The following ZFAND6 variants were observed in gnomAD, a reference collection of about 807,000 sequenced individuals.
The protein encoded by ZFAND6 is AN1-type zinc finger protein 6.
In ZFAND6, 12 loss-of-function variants were observed where a neutral mutation model predicts 24.5. The observed-to-expected ratio is 0.49, with a 90% confidence interval of 0.31 to 0.79. The LOEUF (loss-of-function observed/expected upper bound fraction) is 0.79. Among genes scored for constraint, ZFAND6 ranks in the 30% least tolerant of loss-of-function variants. ZFAND6 has a pLI of 0.04. For missense variants in ZFAND6, 207 were observed against 245.9 expected (o/e 0.84, Z 1.06); for synonymous variants, 92 against 81.5 (o/e 1.13, Z -0.69).
chr15:80,085,182 C>T (rs1285950919), intron 1 of ZFAND6, among the ~76,000 whole-genome samples: 2 of 152,158 alleles, frequency 1.3e-5, no homozygotes, highest in African/African-American at 4.8e-5. Flanking sequence ...AGTATCAAGG[C>T]TACTCCTGTT....
At chr15:80,130,576 C>G (rs1327442768) in intron 5 of ZFAND6, 1 of 152,134 alleles carries the variant, frequency 6.6e-6, no homozygotes, top group Non-Finnish European at 1.5e-5. Flanking sequence ...GTAATTTAAC[C>G]CGAATCTTGG....
chr15:80,074,189 A>G (rs1344382060), intron 1 of ZFAND6, among the ~76,000 whole-genome samples: 1 of 151,926 alleles, frequency 6.6e-6, no homozygotes, highest in East Asian at 1.9e-4. Flanking sequence ...ACTTTCCAAG[A>G]TGTAGATGGA....
chr15:80,093,594 G>C (rs1411434893), intron 1 of ZFAND6, among the ~76,000 whole-genome samples: 1 of 152,072 alleles, frequency 6.6e-6, no homozygotes, highest in Non-Finnish European at 1.5e-5. Context: ...GCATGGTGGC[G>C]CATGCCTGTA....
intron 2 of ZFAND6, among the ~76,000 whole-genome samples, chr15:80,102,502 A>T (rs1403857310): frequency 6.6e-6 from 1 of 152,230 alleles, no homozygotes; most frequent in African/African-American, 2.4e-5. Flanking sequence ...TTCTCAGATT[A>T]AAGTGAGCCA....
At chr15:80,097,732 T>C (rs1311128833) in intron 1 of ZFAND6, among the ~76,000 whole-genome samples, 1 of 152,206 alleles carries the variant, frequency 6.6e-6, no homozygotes, top group Non-Finnish European at 1.5e-5. Flanking sequence ...GTAATACATA[T>C]TTGCTAATGG....
intron 6 of ZFAND6, 171 bp downstream of exon 6, chr15:80,131,464 T>A: frequency 3.9e-6 from 2 of 506,772 alleles, no homozygotes; most frequent in Non-Finnish European, 3.4e-6. Flanking sequence ...ATTATACACC[T>A]AAAAGTGAAA....
Position 80,137,575 on chromosome 15 carries a change from A to G in ZFAND6, c.574A>G (p.Lys192Glu). The change falls in exon 7 of 7, where the codon AAA (lysine) becomes GAA (glutamate). Residue 192 changes from lysine (K) to glutamate (E), a missense_variant. By Grantham distance (56) the Lys-to-Glu change is moderately conservative (BLOSUM62 1). Coordinates refer to ENST00000261749, the MANE Select transcript of ZFAND6 (RefSeq NM_019006.4). ...CAATTACAAAGCCGATGCTGCTGAG[A>G]AAATCAGAAAAGAAAATCCAGTAGT... ...SYNYKADAAE[K>E]IRKENPVVVG... The G allele has an allele frequency of 6.2e-7, 1 of 1,607,056 alleles. No individual in the cohort carries two copies. The highest frequency in any genetic ancestry group is 8.5e-7 in the Non-Finnish European group (1 of 1,177,694).
At chr15:80,118,545 T>A (rs2040002256) in intron 2 of ZFAND6, among the ~76,000 whole-genome samples, 2 of 152,200 alleles carry the variant, frequency 1.3e-5, no homozygotes, top group African/African-American at 4.8e-5. Context: ...TGTTATTTTT[T>A]AATGTGATAT....
At chr15:80,115,187 A>C (rs188605965) in intron 2 of ZFAND6, 20 of 152,296 alleles carry the variant, frequency 1.3e-4, no homozygotes, top group Middle Eastern at 3.4e-3. Context: ...TAAACAATAA[A>C]AAGAGTTCCT....
chr15:80,069,208 G>A (rs1030970539), intron 1 of ZFAND6, among the ~76,000 whole-genome samples: 1 of 152,054 alleles, frequency 6.6e-6, no homozygotes, highest in Admixed American at 6.6e-5. Context: ...CTTTTTCTTA[G>A]ATGATCTATG....
At chr15:80,125,957 A>T (rs1247277572) in intron 5 of ZFAND6, among the ~76,000 whole-genome samples, 1 of 152,212 alleles carries the variant, frequency 6.6e-6, no homozygotes, top group Non-Finnish European at 1.5e-5. Flanking sequence ...TGCAGAAGAT[A>T]TTCTTTATAT....
chr15:80,064,348 C>T (rs768858932), intron 1 of ZFAND6, among the ~76,000 whole-genome samples: 1 of 151,930 alleles, frequency 6.6e-6, no homozygotes, highest in Non-Finnish European at 1.5e-5. Flanking sequence ...ATATCTTTAC[C>T]AGCATTATCT....
chr15:80,125,368 A>C (rs2040332059), intron 5 of ZFAND6, among the ~76,000 whole-genome samples: 1 of 152,160 alleles, frequency 6.6e-6, no homozygotes, highest in African/African-American at 2.4e-5. Context: ...AACCATCCCA[A>C]ATGGAAGAAG....
intron 1 of ZFAND6, among the ~76,000 whole-genome samples, chr15:80,077,731 G>A (rs12914401): frequency 0.56 from 76,281 of 135,840 alleles, 22,344 homozygotes; most frequent in Non-Finnish European, 0.65. Flanking sequence ...ACAGAGTCTC[G>A]CTCTGTCACC....
intron 5 of ZFAND6, chr15:80,129,532 T>A (rs1366820635): frequency 6.6e-6 from 1 of 152,238 alleles, no homozygotes; most frequent in Admixed American, 6.5e-5. Context: ...TCAATGGCCT[T>A]ACGGTGTAGT....
chr15:80,125,369 A>G (rs2040332180), intron 5 of ZFAND6, among the ~76,000 whole-genome samples: 1 of 152,170 alleles, frequency 6.6e-6, no homozygotes, highest in South Asian at 2.1e-4. Context: ...ACCATCCCAA[A>G]TGGAAGAAGG....
chr15:80,090,864 A>G (rs1194592950), intron 1 of ZFAND6, among the ~76,000 whole-genome samples: 1 of 152,220 alleles, frequency 6.6e-6, no homozygotes, highest in Non-Finnish European at 1.5e-5. Flanking sequence ...TTGGTCTTCT[A>G]AATTTTTGGA....
intron 1 of ZFAND6, among the ~76,000 whole-genome samples, chr15:80,089,250 A>AGT (rs1304908584): frequency 3.5e-4 from 42 of 120,320 alleles, no homozygotes; most frequent in African/African-American, 5.3e-4. Flanking sequence ...TTCGTGTGTG[A>AGT]GTGTGTGTGT....
chr15:80,125,180 T>C (rs915474304), intron 5 of ZFAND6, among the ~76,000 whole-genome samples: 3 of 152,210 alleles, frequency 2.0e-5, no homozygotes, highest in Admixed American at 6.5e-5. Flanking sequence ...AGTATTCTTA[T>C]GATTAGACAG....
Sources: allele counts gnomAD v4.1 joint callset (sites outside exome capture counted in the v4.1 genomes callset), GRCh38; gene constraint gnomAD v4.1.1; transcripts MANE v1.5; gene names NCBI Gene and HGNC (gene_info 2026-07-23, HGNC 2026-07-21).